Variants in SET observed in about 807,000 individuals in gnomAD.
SET encodes SET nuclear proto-oncogene, also known as protein SET.
A neutral mutation model predicts 39.0 loss-of-function variants in SET; 4 were observed. The observed-to-expected ratio is 0.10, with a 90% CI of 0.05 to 0.23. SET has a LOEUF of 0.23. Ranked by LOEUF, SET falls within the 10% of genes least tolerant of loss-of-function variation. The probability of loss-of-function intolerance (pLI) is 1.00; values close to 1 mark genes in which losing one functional copy is unlikely to be tolerated. For synonymous variants in SET, 114 were observed against 115.9 expected (o/e 0.98, Z 0.11); for missense variants, 137 against 329.7 (o/e 0.42, Z 4.53).
At position 128,693,422 on chromosome 9, in the gene SET, T is replaced by C. The variant is rs10988090; in HGVS notation, c.493-216T>C. Among the ~76,000 whole-genome samples the C allele has an allele frequency of 7.7e-3, 1,172 of 152,320 alleles. 16 individuals carry two copies. Among genetic ancestry groups the C allele is most frequent in the African/African-American group, 0.027 (1,114 of 41,556 alleles). On this transcript the variant is annotated intron_variant, in intron 5 of 7. Transcript: ENST00000322030. ...TATACTGTGTTGTGCTAGTGGCTGTTAACAGTGGAACTAATTTTATGGAAA... is the reference window on the plus strand; with the variant it reads ...TATACTGTGTTGTGCTAGTGGCTGTCAACAGTGGAACTAATTTTATGGAAA...
rs1861727205 is a variant in SET at position 128,696,041 on chromosome 9, G to A, written c.*1377G>A. On this transcript the variant is annotated 3_prime_UTR_variant, in exon 8 of 8. Coordinates refer to ENST00000322030, the MANE Select transcript of SET (RefSeq NM_003011.4). ...AACTGTCCCTGCTTTCTGGTATAAAGCTCTCAAATGTGACCATGTGAATCT... is the reference window on the plus strand; with the variant it reads ...AACTGTCCCTGCTTTCTGGTATAAAACTCTCAAATGTGACCATGTGAATCT... 8.9e-6 allele frequency: 2 copies of A among 224,364 alleles called. No homozygotes were observed. The highest frequency in any genetic ancestry group is 1.8e-4 in the South Asian group (1 of 5,458). 13.9% of individuals were successfully genotyped at this position (224,364 alleles called of 1,614,324 possible).
intron 2 of SET, among the ~76,000 whole-genome samples, chr9:128,691,616 TACAC>T (rs1304966403): frequency 2.0e-5 from 3 of 152,214 alleles, no homozygotes; most frequent in Admixed American, 1.3e-4. Context: ...GCGAAGTAAA[TACAC>T]ACGTTACCAG....
At chr9:128,691,772 A>G in intron 2 of SET, 86 bp from the exon 3 acceptor site, 1 of 1,303,582 alleles carries the variant, frequency 7.7e-7, no homozygotes, top group Non-Finnish European at 1.1e-6. Flanking sequence ...GACTCAAGCT[A>G]GTAAGTAAAT....
At chr9:128,685,336 C>G (rs570552432), upstream of SET, 24 of 786,344 alleles carry the variant, frequency 3.1e-5, no homozygotes, top group Middle Eastern at 4.5e-4. Context: ...CCTAGCACAT[C>G]ATCAGTGCTC....
upstream of SET, among the ~76,000 whole-genome samples, chr9:128,687,990 G>A (rs1295054616): frequency 6.6e-6 from 1 of 152,224 alleles, no homozygotes. Context: ...GACGAGGTGA[G>A]TGGATCACCC....
Position 128,695,148 on chromosome 9 carries a change from AAG to A in SET, c.*486_*487del, listed in dbSNP as rs1861687438. ...CTGTCTACTTTCTCTTGTTTAAAAA[AAG>A]AAAAAAAAACTTAAAAAAATGGGGT... On this transcript the variant is annotated 3_prime_UTR_variant, in exon 8 of 8. Transcript: ENST00000322030. 4.5e-6 allele frequency: 1 copy of A among 223,968 alleles called. No individual in the cohort carries two copies. The highest frequency in any genetic ancestry group is 9.0e-6 in the Non-Finnish European group (1 of 111,380). The allele number at this position is 223,968 out of a possible 1,614,324, so 13.9% of individuals were successfully genotyped here.
intron 5 of SET, 41 bp downstream of exon 5, chr9:128,693,022 C>A: frequency 7.3e-7 from 1 of 1,361,602 alleles, no homozygotes; most frequent in South Asian, 1.2e-5. Flanking sequence ...AGCATTTTGC[C>A]TATTTCAGTT....
rs1014268106 is a variant in SET, at chr9:128,689,236, G to C, written c.-347G>C. The C allele has an allele frequency of 2.7e-5, 27 of 999,266 alleles. No individual in the cohort carries two copies. The African/African-American group carries it at 4.5e-4, about 17-fold the overall frequency. 61.9% of individuals were successfully genotyped at this position (999,266 alleles called of 1,614,324 possible). On this transcript the variant is annotated 5_prime_UTR_variant, in exon 1 of 8. Coordinates refer to ENST00000322030, the MANE Select transcript of SET (RefSeq NM_003011.4). ...CCTGCGCCCGCCCCTCGCCGTAGGA[G>C]GAGGTGGAGGAGGAGGCGGCTCGGG...
At chr9:128,691,806 T>C in intron 2 of SET, 52 bp from the exon 3 acceptor site, 1 of 1,539,974 alleles carries the variant, frequency 6.5e-7, no homozygotes. Flanking sequence ...TCAACCAATT[T>C]TTTAATTTGT....
intron 1 of SET, chr9:128,690,640 G>A: frequency 6.0e-6 from 1 of 166,934 alleles, no homozygotes; most frequent in South Asian, 1.5e-4. Flanking sequence ...AGGCCAGGGT[G>A]TAGGATGGTG....
At chr9:128,692,407 A>C in intron 3 of SET, 1 of 255,856 alleles carries the variant, frequency 3.9e-6, no homozygotes, top group Non-Finnish European at 7.5e-6. Flanking sequence ...CAAAAAAAAA[A>C]AAAAAAAAAA....
At position 128,692,944 on chromosome 9, in the gene SET, C is replaced by T. The variant is rs1861600318; in HGVS notation, c.455C>T (p.Ser152Phe). 1 of 1,605,044 alleles carries T rather than the reference C, an allele frequency of 6.2e-7. No individual in the cohort carries two copies. The highest frequency in any genetic ancestry group is 1.7e-5 in the Admixed American group (1 of 59,842). ...EFHLNESGDP[S>F]SKSTEIKWKS... ...CATCTGAATGAGAGTGGTGATCCAT[C>T]TTCGAAGTCCACCGAAATCAAATGG... The change falls in exon 5 of 8, where the codon TCT becomes TTT. Residue 152 changes from serine (S) to phenylalanine (F), a missense_variant. By Grantham distance (155) the Ser-to-Phe change is radical. Coordinates refer to ENST00000322030, the MANE Select transcript of SET (RefSeq NM_003011.4).
At chr9:128,690,642 AG>A in intron 1 of SET, 1 of 166,484 alleles carries the variant, frequency 6.0e-6, no homozygotes, top group South Asian at 1.5e-4. Context: ...GCCAGGGTGT[AG>A]GATGGTGCCC....
At chr9:128,690,752 G>A (rs894619702) in intron 1 of SET, 2 of 193,424 alleles carry the variant, frequency 1.0e-5, no homozygotes, top group Non-Finnish European at 2.2e-5. Context: ...ATAGGTGGTA[G>A]TGGTGGCCTA....
chr9:128,692,273 C>A (rs1589459364), intron 3 of SET: 1 of 334,214 alleles, frequency 3.0e-6, no homozygotes. Flanking sequence ...GCTTGTAATC[C>A]CAGCTACTCG....
intron 1 of SET, chr9:128,684,012 G>A (rs1039933239): frequency 1.5e-5 from 23 of 1,537,184 alleles, no homozygotes; most frequent in Non-Finnish European, 1.9e-5. Flanking sequence ...AGGGAGGTAC[G>A]TTTCTGCGCT....
chr9:128,683,851 C>T (rs746550100), exon 1 of SET: 26 of 1,485,432 alleles, frequency 1.8e-5, no homozygotes, highest in Admixed American at 2.1e-5. Flanking sequence ...TGCTTCCGGA[C>T]GGGCGAGGAG....
Position 128,696,324 on chromosome 9 carries a change from G to C in SET, c.*1660G>C. ...GTATGTAATTTCTGCACAGGTCTCT[G>C]TTTAGTAAATACATCACTGTATACC... On this transcript the variant is annotated 3_prime_UTR_variant, in exon 8 of 8. Coordinates refer to ENST00000322030, the MANE Select transcript of SET (RefSeq NM_003011.4). The C allele has an allele frequency of 5.3e-6, 1 of 188,154 alleles. No homozygotes were observed. The highest frequency in any genetic ancestry group is 8.3e-5 in the East Asian group (1 of 11,988). The allele number at this position is 188,154 out of a possible 1,614,324, so 11.7% of individuals were successfully genotyped here.
intron 7 of SET, 71 bp downstream of exon 7, chr9:128,694,113 TATATATATAGTGTG>T: frequency 7.6e-7 from 1 of 1,320,682 alleles, no homozygotes; most frequent in Non-Finnish European, 1.0e-6. Context: ...GGTGTATATA[TATATATATAGTGTG>T]GTAGAACTGA....
Sources: allele counts gnomAD v4.1 joint callset (sites outside exome capture counted in the v4.1 genomes callset), GRCh38; gene constraint gnomAD v4.1.1; transcripts MANE v1.5; gene names NCBI Gene and HGNC (gene_info 2026-07-23, HGNC 2026-07-21).